The following LARP7 variants were observed in gnomAD, a reference collection of about 807,000 sequenced individuals.
The protein encoded by LARP7 is La ribonucleoprotein 7, transcriptional regulator.
A neutral mutation model predicts 69.3 loss-of-function variants in LARP7; 52 were observed. The observed-to-expected ratio is 0.75, with a 90% CI of 0.60 to 0.95. The LOEUF (loss-of-function observed/expected upper bound fraction) is 0.95, where lower values mean the gene tolerates loss of function less well. LARP7 is among the 40% of genes least tolerant of loss of function. The pLI is 0.00. For synonymous variants in LARP7, 254 were observed against 215.9 expected, an observed-to-expected ratio of 1.18 and a Z score of -1.55; for missense variants, 733 against 673.0, an observed-to-expected ratio of 1.09 and a Z score of -0.99.
intron 1 of LARP7, among the ~76,000 whole-genome samples, chr4:112,639,441 AG>A (rs1186713023): frequency 6.6e-6 from 1 of 152,000 alleles, no homozygotes; most frequent in Admixed American, 6.6e-5. Context: ...CTTGTTAGCC[AG>A]GATGGTCTCC....
Position 112,646,788 on chromosome 4 carries a change from T to A in LARP7, c.388-3T>A, listed in dbSNP as rs755079491. 5.1e-6 allele frequency: 8 copies of A among 1,576,478 alleles called. No homozygotes were observed. The highest frequency in any genetic ancestry group is 1.4e-5 in the African/African-American group (1 of 72,712). ...CTCTAATATTGCTTTTAATTTATAA[T>A]AGGAGTTACTTCCCAAAAATGTTAA... On this transcript the variant is annotated splice_region_variant and splice_polypyrimidine_tract_variant and intron_variant, in intron 4 of 12. Transcript: ENST00000344442.
intron 1 of LARP7, among the ~76,000 whole-genome samples, chr4:112,638,557 C>T (rs1578541800): frequency 6.6e-6 from 1 of 152,122 alleles, no homozygotes; most frequent in African/African-American, 2.4e-5. Context: ...GCCTGTGTAC[C>T]TGCTTTTTAA....
intron 1 of LARP7, chr4:112,644,441 G>A (rs1291362130): frequency 1.7e-6 from 2 of 1,168,510 alleles, no homozygotes; most frequent in Non-Finnish European, 2.2e-6. Context: ...CTGGCCCTGT[G>A]TTTTAAAAGG....
intron 8 of LARP7, 93 bp downstream of exon 8, chr4:112,647,927 T>C: frequency 2.1e-6 from 2 of 936,174 alleles, no homozygotes; most frequent in East Asian, 5.0e-5. Flanking sequence ...AGTTGCATAT[T>C]AGCAACAGTA....
chr4:112,646,337 T>A lies in LARP7; in HGVS notation c.203-14T>A. On this transcript the variant is annotated splice_polypyrimidine_tract_variant and intron_variant, in intron 2 of 12. Coordinates refer to ENST00000344442, the MANE Select transcript of LARP7 (RefSeq NM_016648.4). ...GCTGATACACTAACATATTAACTTT[T>A]TCATTTTCTTTAGATGTTGATATAT... The A allele has an allele frequency of 7.8e-7, 1 of 1,279,572 alleles. No individual in the cohort carries two copies. Among genetic ancestry groups the A allele is most frequent in the Non-Finnish European group, 1.1e-6 (1 of 888,378 alleles). 79.3% of individuals were successfully genotyped at this position (1,279,572 alleles called of 1,614,324 possible).
At chr4:112,651,523 C>G (rs2048736576) in intron 10 of LARP7, among the ~76,000 whole-genome samples, 1 of 152,080 alleles carries the variant, frequency 6.6e-6, no homozygotes, top group African/African-American at 2.4e-5. Context: ...ACATTTAATA[C>G]AAAAATTGCT....
intron 12 of LARP7, among the ~76,000 whole-genome samples, chr4:112,655,751 T>C (rs1257307169): frequency 6.6e-6 from 1 of 152,166 alleles, no homozygotes; most frequent in Admixed American, 6.5e-5. Flanking sequence ...CAGGAGAGCA[T>C]TGTAACAGCT....
chr4:112,652,970 A>G, intron 10 of LARP7, 107 bp from the exon 11 acceptor site: 2 of 775,442 alleles, frequency 2.6e-6, no homozygotes, highest in Non-Finnish European at 3.8e-6. Context: ...TTAGACTGCA[A>G]AATGCTTTAT....
intron 11 of LARP7, 64 bp from the exon 12 acceptor site, chr4:112,654,004 C>A: frequency 8.5e-7 from 1 of 1,181,576 alleles, no homozygotes; most frequent in South Asian, 1.2e-5. Context: ...AATGTAATGC[C>A]TTGAATATGG....
chr4:112,644,825 C>T lies in LARP7; in HGVS notation c.156C>T (p.His52=). ...TCTGGTTTGGGGATGCAAATCTTCACAAGGATAGATTTCTTCGAGAACAGA... is the reference window on the plus strand; with the variant it reads ...TCTGGTTTGGGGATGCAAATCTTCATAAGGATAGATTTCTTCGAGAACAGA... The part of the protein sequence containing the change: ...VDFWFGDANL[H]KDRFLREQIE... Residue 52 remains histidine (H), a synonymous_variant, in exon 2 of 13, where the codon CAC becomes CAT. Transcript: ENST00000344442. 1 of 1,605,920 alleles carries T rather than the reference C, an allele frequency of 6.2e-7. No homozygotes were observed. The highest frequency in any genetic ancestry group is 8.5e-7 in the Non-Finnish European group (1 of 1,175,278).
At chr4:112,655,235 A>G (rs1321604104) in intron 12 of LARP7, 2 of 152,252 alleles carry the variant, frequency 1.3e-5, no homozygotes, top group African/African-American at 4.8e-5. Flanking sequence ...TCACTAATCC[A>G]GAACTGGTAA....
intron 3 of LARP7, 29 bp from the exon 4 acceptor site, chr4:112,646,559 T>C (rs1225069712): frequency 7.4e-7 from 1 of 1,358,958 alleles, no homozygotes; most frequent in Non-Finnish European, 1.0e-6. Flanking sequence ...ATAATATTAG[T>C]TTTATTAATG....
chr4:112,645,891 G>A (rs963914409), intron 2 of LARP7, among the ~76,000 whole-genome samples: 5 of 151,888 alleles, frequency 3.3e-5, no homozygotes, highest in Non-Finnish European at 5.9e-5. Flanking sequence ...TGAATGTCTG[G>A]GTATTGCTAA....
Position 112,647,310 on chromosome 4 carries a change from G to A in LARP7, c.758G>A (p.Arg253Lys), listed in dbSNP as rs2048345017. 2 of 1,613,900 alleles carry A rather than the reference G, an allele frequency of 1.2e-6. No individual in the cohort carries two copies. Among genetic ancestry groups the A allele is most frequent in the Non-Finnish European group, 1.7e-6 (2 of 1,180,028 alleles). ...AACACCAGCATCAGTAAAATGAAAA[G>A]ATCCAGACCCACATCTGAGGGCTCT... ...TSNTSISKMKRSRPTSEGSDI... is the reference protein window; with the variant it reads ...TSNTSISKMKKSRPTSEGSDI... The change falls in exon 7 of 13, where the codon AGA becomes AAA. Residue 253 changes from arginine to lysine, a missense_variant. Coordinates refer to ENST00000344442, the MANE Select transcript of LARP7 (RefSeq NM_016648.4).
chr4:112,652,855 T>G (rs987573206), intron 10 of LARP7, among the ~76,000 whole-genome samples: 1 of 152,122 alleles, frequency 6.6e-6, no homozygotes, highest in East Asian at 1.9e-4. Context: ...AGGATGTGAT[T>G]TCAAGAAAAT....
intron 1 of LARP7, chr4:112,637,661 C>T (rs543887721): frequency 6.6e-6 from 1 of 152,348 alleles, no homozygotes; most frequent in East Asian, 1.9e-4. Context: ...CCATCGTCCT[C>T]AAAGAGTAAA....
intron 2 of LARP7, among the ~76,000 whole-genome samples, chr4:112,645,261 A>C (rs1311795402): frequency 6.6e-6 from 1 of 152,068 alleles, no homozygotes; most frequent in East Asian, 1.9e-4. Flanking sequence ...AGTATATTCT[A>C]TAATGTGTAT....
At chr4:112,641,329 A>G (rs964841385) in intron 1 of LARP7, among the ~76,000 whole-genome samples, 6 of 151,556 alleles carry the variant, frequency 4.0e-5, no homozygotes, top group Non-Finnish European at 8.8e-5. Flanking sequence ...GGGAGGTTGC[A>G]GTGAGCCGAG....
At chr4:112,650,799 A>T (rs2048693360) in intron 10 of LARP7, among the ~76,000 whole-genome samples, 2 of 152,210 alleles carry the variant, frequency 1.3e-5, no homozygotes, top group South Asian at 4.1e-4. Flanking sequence ...ATGTAAGCAC[A>T]GTTTAAACAT....
Sources: allele counts gnomAD v4.1 joint callset (sites outside exome capture counted in the v4.1 genomes callset), GRCh38; gene constraint gnomAD v4.1.1; transcripts MANE v1.5; gene names NCBI Gene and HGNC (gene_info 2026-07-23, HGNC 2026-07-21).